The following DLG2 variants were observed in gnomAD, a reference collection of about 807,000 sequenced individuals.
DLG2 encodes the protein discs large MAGUK scaffold protein 2, also known as disks large homolog 2.
Under a neutral mutation model 132.5 loss-of-function variants are expected in DLG2, and 45 were observed. That is an observed-to-expected ratio of 0.34 (90% confidence interval 0.27 to 0.44). The LOEUF (loss-of-function observed/expected upper bound fraction) is 0.44. Among genes scored for constraint, DLG2 ranks in the 20% least tolerant of loss-of-function variants. DLG2 has a pLI of 1.00. For missense variants in DLG2, 1,045 were observed against 1,196.9 expected (o/e 0.87, Z 1.87); for synonymous variants, 424 against 419.6 (o/e 1.01, Z -0.13).
intron 3 of DLG2, among the ~76,000 whole-genome samples, chr11:85,351,997 T>C (rs1250911397): frequency 6.6e-6 from 1 of 152,178 alleles, no homozygotes; most frequent in Non-Finnish European, 1.5e-5. Context: ...CCAGCTCCTC[T>C]TTGTACCTCT....
intron 6 of DLG2, among the ~76,000 whole-genome samples, chr11:84,661,209 T>C (rs1415298444): frequency 1.5e-4 from 23 of 152,220 alleles, no homozygotes. Flanking sequence ...TTTGTTTTGT[T>C]TTGTTTTAAC....
intron 8 of DLG2, among the ~76,000 whole-genome samples, chr11:84,166,229 C>T (rs1322172159): frequency 1.3e-5 from 2 of 152,142 alleles, no homozygotes; most frequent in African/African-American, 2.4e-5. Context: ...CAGGGCTGGG[C>T]GCAGTGGCTC....
At chr11:84,231,749 G>A (rs1055592916) in intron 8 of DLG2, among the ~76,000 whole-genome samples, 1 of 152,160 alleles carries the variant, frequency 6.6e-6, no homozygotes, top group Non-Finnish European at 1.5e-5. Context: ...TGGGACCATA[G>A]GTAGTTTTCT....
chr11:83,611,965 A>G (rs1044007559), intron 19 of DLG2, among the ~76,000 whole-genome samples: 1 of 152,354 alleles, frequency 6.6e-6, no homozygotes, highest in East Asian at 1.9e-4. Flanking sequence ...AGTAGCACAC[A>G]GGTATAAACA....
chr11:85,425,431 G>A (rs1264937025), intron 3 of DLG2, among the ~76,000 whole-genome samples: 4 of 151,902 alleles, frequency 2.6e-5, no homozygotes, highest in Non-Finnish European at 5.9e-5. Flanking sequence ...CATATATATT[G>A]TAAATAGTAA....
rs868091502 is a variant in DLG2 at position 85,008,426 on chromosome 11, A to G, written c.357+103235T>C. Among the ~76,000 whole-genome samples the G allele has an allele frequency of 4.6e-5, 7 of 152,250 alleles. No homozygotes were observed. The South Asian group carries it at 1.5e-3, about 32-fold the overall frequency. On this transcript the variant is annotated intron_variant, in intron 6 of 27. Transcript: ENST00000376104. Reference sequence around the variant, plus strand: ...TTGTAAAATCAAAGTTTGAATAAGAAATTTTACAGGGTTCCTTGTAAGATT... The same window carrying G: ...TTGTAAAATCAAAGTTTGAATAAGAGATTTTACAGGGTTCCTTGTAAGATT...
chr11:84,756,153 T>C (rs2066849213), intron 6 of DLG2, among the ~76,000 whole-genome samples: 1 of 152,230 alleles, frequency 6.6e-6, no homozygotes, highest in African/African-American at 2.4e-5. Context: ...GAATATGTAT[T>C]TGTAACTAAC....
At chr11:83,691,236 T>G (rs2080940801) in intron 18 of DLG2, among the ~76,000 whole-genome samples, 1 of 152,114 alleles carries the variant, frequency 6.6e-6, no homozygotes, top group African/African-American at 2.4e-5. Context: ...TCACCTAGAG[T>G]TCAGGACACT....
At chr11:83,617,663 T>C (rs1483469786) in intron 19 of DLG2, among the ~76,000 whole-genome samples, 2 of 152,144 alleles carry the variant, frequency 1.3e-5, no homozygotes, top group Non-Finnish European at 2.9e-5. Flanking sequence ...AGAGTAGTGA[T>C]AGAAGGTGTC....
intron 6 of DLG2, among the ~76,000 whole-genome samples, chr11:84,538,816 C>T (rs1184941181): frequency 1.3e-5 from 2 of 152,092 alleles, no homozygotes; most frequent in Non-Finnish European, 2.9e-5. Context: ...CCAGTGCCAA[C>T]CAGACATTCC....
chr11:84,093,111 CT>C (rs548827421), intron 10 of DLG2, among the ~76,000 whole-genome samples: 2 of 151,806 alleles, frequency 1.3e-5, no homozygotes, highest in Non-Finnish European at 2.9e-5. Context: ...GAAACTATTT[CT>C]ATTTATTAGC....
intron 7 of DLG2, among the ~76,000 whole-genome samples, chr11:84,504,147 T>A (rs2099231300): frequency 6.6e-6 from 1 of 152,226 alleles, no homozygotes. Context: ...GAAGTAATAT[T>A]ACTCTAATTT....
intron 6 of DLG2, among the ~76,000 whole-genome samples, chr11:84,592,081 T>A (rs757248127): frequency 6.6e-6 from 1 of 152,188 alleles, no homozygotes; most frequent in Admixed American, 6.5e-5. Context: ...CTTGAACTCC[T>A]GAGCTCAAAC....
intron 6 of DLG2, among the ~76,000 whole-genome samples, chr11:84,956,431 A>G (rs1264764216): frequency 6.6e-6 from 1 of 152,242 alleles, no homozygotes; most frequent in Non-Finnish European, 1.5e-5. Flanking sequence ...TAAACAGTTC[A>G]GATTTGAACC....
intron 6 of DLG2, among the ~76,000 whole-genome samples, chr11:84,707,393 C>T (rs557666341): frequency 2.0e-5 from 3 of 151,812 alleles, no homozygotes; most frequent in Admixed American, 6.6e-5. Flanking sequence ...GCTGAGTTTC[C>T]TGGCTTGACA....
At chr11:84,359,363 G>C (rs1198115647) in intron 7 of DLG2, among the ~76,000 whole-genome samples, 1 of 151,808 alleles carries the variant, frequency 6.6e-6, no homozygotes, top group Non-Finnish European at 1.5e-5. Context: ...TCTGCTAGAC[G>C]AATTAACTCT....
At chr11:85,124,318 C>T (rs571027650) in intron 5 of DLG2, among the ~76,000 whole-genome samples, 27 of 152,356 alleles carry the variant, frequency 1.8e-4, no homozygotes, top group African/African-American at 6.5e-4. Context: ...AGACACAGCT[C>T]TCATTTTTCT....
intron 7 of DLG2, among the ~76,000 whole-genome samples, chr11:84,431,528 T>C (rs941403405): frequency 2.0e-5 from 3 of 152,172 alleles, no homozygotes; most frequent in African/African-American, 7.2e-5. Flanking sequence ...TTTAATTCAT[T>C]TCATAATGTT....
At chr11:83,572,330 T>C (rs1018064945) in intron 19 of DLG2, among the ~76,000 whole-genome samples, 34 of 152,092 alleles carry the variant, frequency 2.2e-4, no homozygotes, top group African/African-American at 7.7e-4. Context: ...AAGATACAGG[T>C]GGGAAGATTA....
Sources: gnomAD v4.1 joint callset for allele counts (sites outside exome capture counted in the v4.1 genomes callset) on GRCh38, gnomAD v4.1.1 for gene constraint, MANE v1.5 for transcripts, NCBI Gene and HGNC (gene_info 2026-07-23, HGNC 2026-07-21) for gene names.